The following PDCL2 variants were observed in gnomAD, a reference collection of about 807,000 sequenced individuals.
PDCL2 encodes the protein phosducin-like protein 2.
In PDCL2, 23 loss-of-function variants were observed where a neutral mutation model predicts 30.3. The ratio of observed to expected loss-of-function variants is 0.76; its 90% CI spans 0.55 to 1.08. The LOEUF (loss-of-function observed/expected upper bound fraction) is 1.08. PDCL2 is among the 50% of genes least tolerant of loss of function. The probability of loss-of-function intolerance (pLI) is 0.00; values close to 1 mark genes in which losing one functional copy is unlikely to be tolerated. For missense variants in PDCL2, 243 were observed against 282.3 expected, an observed-to-expected ratio of 0.86 and a Z score of 1.00; for synonymous variants, 68 against 86.2, an observed-to-expected ratio of 0.79 and a Z score of 1.17.
chr4:55,589,966 G>A (rs1482256603), intron 1 of PDCL2, among the ~76,000 whole-genome samples: 1 of 151,998 alleles, frequency 6.6e-6, no homozygotes, highest in Non-Finnish European at 1.5e-5. Flanking sequence ...AGAGGCCAAA[G>A]CAGGCAGATC....
chr4:55,589,110 C>T (rs1560506573), intron 1 of PDCL2, among the ~76,000 whole-genome samples: 1 of 152,170 alleles, frequency 6.6e-6, no homozygotes, highest in Non-Finnish European at 1.5e-5. Context: ...CCGCCCACCT[C>T]GGCCTCCCAA....
intron 1 of PDCL2, among the ~76,000 whole-genome samples, chr4:55,591,220 A>T (rs2412664): frequency 2.0e-5 from 3 of 151,868 alleles, no homozygotes; most frequent in Non-Finnish European, 2.9e-5. Context: ...GAAAAATCCC[A>T]GTGGTTTTAA....
At chr4:55,561,657 T>C (rs189874208) in intron 5 of PDCL2, among the ~76,000 whole-genome samples, 119 of 152,280 alleles carry the variant, frequency 7.8e-4, no homozygotes, top group Non-Finnish European at 1.5e-4. Context: ...ATTTTTAGTT[T>C]TGTAAAATCG....
chr4:55,582,288 T>G (rs567479720), intron 1 of PDCL2, 51 bp from the exon 2 acceptor site: 2 of 1,507,144 alleles, frequency 1.3e-6, no homozygotes, highest in South Asian at 2.6e-5. Flanking sequence ...CACTTTAATA[T>G]GTATTTGGAA....
chr4:55,591,928 C>A (rs929535412), intron 1 of PDCL2, among the ~76,000 whole-genome samples, 176 bp downstream of exon 1: 1 of 152,184 alleles, frequency 6.6e-6, no homozygotes, highest in African/African-American at 2.4e-5. Context: ...ATGGCGTTCT[C>A]CTAGAGGATT....
chr4:55,582,000 C>G, intron 2 of PDCL2, 117 bp downstream of exon 2: 1 of 1,390,772 alleles, frequency 7.2e-7, no homozygotes. Flanking sequence ...AGCCACCATG[C>G]CCAGCCTATA....
chr4:55,592,226 T>G lies in PDCL2; in HGVS notation c.-117A>C. 4.6e-4 allele frequency: 664 copies of G among 1,457,528 alleles called. No homozygotes were observed. Among genetic ancestry groups the G allele is most frequent in the Non-Finnish European group, 5.6e-4 (603 of 1,071,532 alleles). 90.3% of individuals were successfully genotyped at this position (1,457,528 alleles called of 1,614,324 possible). On this transcript the variant is annotated 5_prime_UTR_variant, in exon 1 of 6. Coordinates refer to ENST00000295645, the MANE Select transcript of PDCL2 (RefSeq NM_152401.3). ...AGCGCCCGCTTCAGGCCCGGCGGTT[T>G]CGAGTGACCGCCAGAAGAGGGAGAG...
At chr4:55,582,352 T>C in intron 1 of PDCL2, 115 bp from the exon 2 acceptor site, 1 of 1,199,462 alleles carries the variant, frequency 8.3e-7, no homozygotes, top group Non-Finnish European at 1.1e-6. Context: ...AACTCTACAG[T>C]TAATTGGTTT....
At chr4:55,570,199 G>A (rs1169101919) in intron 3 of PDCL2, among the ~76,000 whole-genome samples, 3 of 152,120 alleles carry the variant, frequency 2.0e-5, no homozygotes, top group Admixed American at 1.3e-4. Flanking sequence ...GGAGAATAAT[G>A]ATATCCAACA....
At chr4:55,580,968 G>T in intron 2 of PDCL2, 57 bp from the exon 3 acceptor site, 1 of 1,290,404 alleles carries the variant, frequency 7.7e-7, no homozygotes, top group Non-Finnish European at 1.0e-6. Flanking sequence ...TTACTATACA[G>T]TCAATGTCTA....
At chr4:55,585,713 A>G (rs2110168408) in intron 1 of PDCL2, among the ~76,000 whole-genome samples, 1 of 151,894 alleles carries the variant, frequency 6.6e-6, no homozygotes, top group Non-Finnish European at 1.5e-5. Context: ...TTTTTATTCA[A>G]TCTCCTTATT....
chr4:55,576,348 C>A (rs1013424968), intron 3 of PDCL2, among the ~76,000 whole-genome samples: 1 of 152,244 alleles, frequency 6.6e-6, no homozygotes, highest in Non-Finnish European at 1.5e-5. Context: ...CCACCTCTGC[C>A]TCCCAAAGCA....
intron 3 of PDCL2, among the ~76,000 whole-genome samples, chr4:55,573,796 C>T (rs1257547188): frequency 6.6e-6 from 1 of 151,276 alleles, no homozygotes; most frequent in Non-Finnish European, 1.5e-5. Flanking sequence ...AACAATTCTT[C>T]TTTTTCTCAT....
chr4:55,559,682 G>A (rs1248734596), intron 5 of PDCL2, among the ~76,000 whole-genome samples: 4 of 152,124 alleles, frequency 2.6e-5, no homozygotes, highest in Admixed American at 2.6e-4. Flanking sequence ...TAAAAACGGA[G>A]ATGAGCATAT....
chr4:55,587,902 G>T (rs1324396369), intron 1 of PDCL2, among the ~76,000 whole-genome samples: 2 of 149,826 alleles, frequency 1.3e-5, no homozygotes, highest in Non-Finnish European at 3.0e-5. Flanking sequence ...GCAAAAAAAT[G>T]TTTTAAATTT....
Position 55,587,992 on chromosome 4 carries a change from T to C in PDCL2, c.6+4112A>G, listed in dbSNP as rs556548592. Among the ~76,000 whole-genome samples, 297 of 152,342 alleles carry C rather than the reference T, an allele frequency of 1.9e-3. 1 individual carries two copies. The highest frequency in any genetic ancestry group is 6.9e-3 in the African/African-American group (288 of 41,566). Reference sequence around the variant, plus strand: ...CAAGAAATTATTGTCAAACTCAATGTCATGAATCTATCTTATGTTTCCTTT... The same window carrying C: ...CAAGAAATTATTGTCAAACTCAATGCCATGAATCTATCTTATGTTTCCTTT... On this transcript the variant is annotated intron_variant, in intron 1 of 5. Coordinates refer to ENST00000295645, the MANE Select transcript of PDCL2 (RefSeq NM_152401.3).
chr4:55,574,408 G>A (rs952517987), intron 3 of PDCL2, among the ~76,000 whole-genome samples: 4 of 152,144 alleles, frequency 2.6e-5, no homozygotes, highest in South Asian at 2.1e-4. Flanking sequence ...GAGTGAAAGT[G>A]ATATATACAT....
intron 5 of PDCL2, among the ~76,000 whole-genome samples, chr4:55,557,117 C>T (rs1205149795): frequency 2.0e-5 from 3 of 152,112 alleles, no homozygotes; most frequent in Non-Finnish European, 2.9e-5. Context: ...GGATTACAGG[C>T]GTGAGCCACC....
intron 3 of PDCL2, among the ~76,000 whole-genome samples, chr4:55,573,506 T>C (rs141028985): frequency 0.016 from 2,423 of 152,238 alleles, 65 homozygotes; most frequent in African/African-American, 0.055. Context: ...TCCCAGCACT[T>C]TGGGAGGCCA....
Sources: allele counts gnomAD v4.1 joint callset (sites outside exome capture counted in the v4.1 genomes callset), GRCh38; gene constraint gnomAD v4.1.1; transcripts MANE v1.5; gene names NCBI Gene and HGNC (gene_info 2026-07-23, HGNC 2026-07-21).